FOXN3: variants seen among roughly 807,000 people sequenced by gnomAD.
FOXN3 encodes the protein forkhead box N3.
FOXN3 carries 7 observed loss-of-function variants against 38.4 expected under a neutral mutation model. The ratio of observed to expected loss-of-function variants is 0.18; its 90% confidence interval spans 0.10 to 0.34. FOXN3 has a LOEUF of 0.34. FOXN3 is among the 10% of genes least tolerant of loss of function. The pLI is 1.00. For missense variants in FOXN3, 456 were observed against 613.4 expected (o/e 0.74, Z 2.71); for synonymous variants, 230 against 242.2 (o/e 0.95, Z 0.47).
At chr14:89,452,459 G>A (rs1365030994) in intron 1 of FOXN3, among the ~76,000 whole-genome samples, 1 of 152,194 alleles carries the variant, frequency 6.6e-6, no homozygotes, top group Non-Finnish European at 1.5e-5. Flanking sequence ...GCACTAATGT[G>A]GACACAGGAG....
At chr14:89,280,160 A>G (rs944643828) in intron 4 of FOXN3, among the ~76,000 whole-genome samples, 1 of 152,240 alleles carries the variant, frequency 6.6e-6, no homozygotes, top group African/African-American at 2.4e-5. Context: ...CCCGGGAACC[A>G]CTCAATTCCA....
intron 3 of FOXN3, among the ~76,000 whole-genome samples, chr14:89,321,096 T>C (rs1887882648): frequency 6.6e-6 from 1 of 151,788 alleles, no homozygotes; most frequent in East Asian, 2.0e-4. Context: ...AATACCAACC[T>C]GGGCAATATG....
At chr14:89,189,386 C>A (rs538935003) in intron 4 of FOXN3, among the ~76,000 whole-genome samples, 1 of 152,308 alleles carries the variant, frequency 6.6e-6, no homozygotes, top group East Asian at 1.9e-4. Context: ...AAGGCCTAGC[C>A]ATAAGAAGGA....
chr14:89,364,188 A>C (rs961279515), intron 2 of FOXN3, among the ~76,000 whole-genome samples: 6 of 150,548 alleles, frequency 4.0e-5, no homozygotes, highest in African/African-American at 1.5e-4. Context: ...ATTACAAAGA[A>C]TTTTTTTCTA....
At chr14:89,289,537 T>C (rs892231910) in intron 3 of FOXN3, among the ~76,000 whole-genome samples, 4 of 152,218 alleles carry the variant, frequency 2.6e-5, no homozygotes, top group African/African-American at 9.6e-5. Context: ...AAAAATCTCT[T>C]ATGCAGAAAA....
intron 2 of FOXN3, among the ~76,000 whole-genome samples, chr14:89,389,059 C>T (rs1290754972): frequency 6.6e-6 from 1 of 152,062 alleles, no homozygotes; most frequent in African/African-American, 2.4e-5. Context: ...TGACTGGGTG[C>T]TTGCTCTTGT....
At chr14:89,416,458 G>A (rs1167598405) in intron 1 of FOXN3, among the ~76,000 whole-genome samples, 1 of 152,160 alleles carries the variant, frequency 6.6e-6, no homozygotes, top group Non-Finnish European at 1.5e-5. Flanking sequence ...GGGGGTCTCC[G>A]GAGACGTTCG....
chr14:89,470,285 C>T (rs1301790768), intron 1 of FOXN3, among the ~76,000 whole-genome samples: 1 of 79,244 alleles, frequency 1.3e-5, no homozygotes, highest in African/African-American at 3.8e-5. Flanking sequence ...ATATTTCTCT[C>T]TGACTTTCTA....
chr14:89,227,475 G>T (rs1433898842), intron 4 of FOXN3, among the ~76,000 whole-genome samples: 1 of 152,176 alleles, frequency 6.6e-6, no homozygotes, highest in Non-Finnish European at 1.5e-5. Flanking sequence ...GTCATGTTGG[G>T]TTTCTTCCTG....
At chr14:89,253,410 C>T (rs1400850880) in intron 4 of FOXN3, among the ~76,000 whole-genome samples, 1 of 152,126 alleles carries the variant, frequency 6.6e-6, no homozygotes, top group Non-Finnish European at 1.5e-5. Context: ...TTTCACCACT[C>T]CGTGAGGCGT....
chr14:89,563,815 A>G (rs141705389), intron 1 of FOXN3, among the ~76,000 whole-genome samples: 81 of 152,264 alleles, frequency 5.3e-4, no homozygotes, highest in African/African-American at 1.9e-3. Flanking sequence ...CCAGCATGAT[A>G]GGATGGGAGA....
chr14:89,202,705 T>TC (rs1888266101), intron 4 of FOXN3, among the ~76,000 whole-genome samples: 1 of 151,982 alleles, frequency 6.6e-6, no homozygotes. Context: ...CTCCCTCCCT[T>TC]CCCCCATCTC....
intron 1 of FOXN3, among the ~76,000 whole-genome samples, chr14:89,547,789 G>A (rs758967909): frequency 2.6e-5 from 4 of 152,212 alleles, no homozygotes; most frequent in African/African-American, 4.8e-5. Context: ...GTGAATGTTT[G>A]TTGAATGATC....
chr14:89,204,099 ACAC>A (rs1328597088), intron 4 of FOXN3, among the ~76,000 whole-genome samples: 130 of 130,636 alleles, frequency 1.0e-3, no homozygotes, highest in African/African-American at 3.8e-3. Flanking sequence ...ACACACACAC[ACAC>A]AACTACTACT....
At chr14:89,615,438 T>G (rs1896478159) in intron 1 of FOXN3, among the ~76,000 whole-genome samples, 1 of 152,218 alleles carries the variant, frequency 6.6e-6, no homozygotes, top group South Asian at 2.1e-4. Flanking sequence ...CCACGATCAA[T>G]TTTCCTAATT....
rs183203954 is a variant in FOXN3 at position 89,506,741 on chromosome 14, A to C, written c.-14-94251T>G. ...GGATGGTTGCCGTGTCTGTGTAGAAAGAGGTAGACACGGGAGACTTTTCAT... is the reference window on the plus strand; with the variant it reads ...GGATGGTTGCCGTGTCTGTGTAGAACGAGGTAGACACGGGAGACTTTTCAT... On this transcript the variant is annotated intron_variant, in intron 1 of 6. Coordinates refer to the FOXN3 transcript ENST00000345097. 5.6e-4 allele frequency among the ~76,000 whole-genome samples: 85 copies of C among 152,250 alleles called. No individual in the cohort carries two copies. In the East Asian group the frequency reaches 0.016, roughly 28 times the overall value.
intron 1 of FOXN3, chr14:89,494,022 G>C (rs1893632436): frequency 6.6e-6 from 1 of 152,034 alleles, no homozygotes; most frequent in African/African-American, 2.4e-5. Context: ...ACTTTGCCCA[G>C]ATTTTGCCAT....
At chr14:89,169,587 C>A (rs1887335356) in intron 5 of FOXN3, among the ~76,000 whole-genome samples, 1 of 151,930 alleles carries the variant, frequency 6.6e-6, no homozygotes, top group Admixed American at 6.6e-5. Context: ...AACCAAAGTA[C>A]TGGAGAAATG....
intron 1 of FOXN3, among the ~76,000 whole-genome samples, chr14:89,517,930 G>C (rs1166434819): frequency 6.6e-6 from 1 of 152,184 alleles, no homozygotes; most frequent in Non-Finnish European, 1.5e-5. Context: ...GCAAAACTCT[G>C]CTGGTACCAA....
Sources: allele counts gnomAD v4.1 joint callset (sites outside exome capture counted in the v4.1 genomes callset), GRCh38; gene constraint gnomAD v4.1.1; transcripts MANE v1.5; gene names NCBI Gene and HGNC (gene_info 2026-07-23, HGNC 2026-07-21).